Variants in AATF observed in about 807,000 individuals in gnomAD.
AATF encodes the protein apoptosis antagonizing transcription factor.
A neutral mutation model predicts 63.7 loss-of-function variants in AATF; 48 were observed. The ratio of observed to expected loss-of-function variants is 0.75; its 90% CI spans 0.60 to 0.96. The LOEUF (loss-of-function observed/expected upper bound fraction) is 0.96, where lower values mean the gene tolerates loss of function less well. Ranked by LOEUF, AATF falls within the 40% of genes least tolerant of loss-of-function variation. The pLI, the probability that AATF is intolerant of heterozygous loss-of-function variation, is 0.00. For missense variants in AATF, 639 were observed against 685.7 expected, an observed-to-expected ratio of 0.93 and a Z score of 0.76; for synonymous variants, 258 against 247.7, an observed-to-expected ratio of 1.04 and a Z score of -0.39.
Position 36,988,641 on chromosome 17 carries a change from C to G in AATF, c.1070C>G (p.Ala357Gly). Reference protein sequence around the residue: ...DYPSFMAKRFADFTVYRNRTL... With the variant: ...DYPSFMAKRFGDFTVYRNRTL... Reference sequence around the variant, plus strand: ...CCCAGCTTCATGGCAAAGCGCTTTGCCGACTTTACAGTCTACAGGAACCGC... The same window carrying G: ...CCCAGCTTCATGGCAAAGCGCTTTGGCGACTTTACAGTCTACAGGAACCGC... Residue 357 changes from alanine to glycine, a missense_variant, in exon 6 of 12, where the codon GCC becomes GGC. Coordinates refer to ENST00000619387, the MANE Select transcript of AATF (RefSeq NM_012138.4). The G allele has an allele frequency of 6.2e-7, 1 of 1,614,114 alleles. No individual in the cohort carries two copies. The highest frequency in any genetic ancestry group is 1.1e-5 in the South Asian group (1 of 91,072).
intron 11 of AATF, among the ~76,000 whole-genome samples, chr17:37,046,165 G>A (rs1427690947): frequency 6.6e-6 from 1 of 152,096 alleles, no homozygotes; most frequent in Non-Finnish European, 1.5e-5. Context: ...GAATAAAAAA[G>A]AATTTGCTGC....
chr17:37,042,099 C>T (rs1251520159), intron 11 of AATF, among the ~76,000 whole-genome samples: 2 of 151,988 alleles, frequency 1.3e-5, no homozygotes, highest in African/African-American at 4.8e-5. Flanking sequence ...GGTTATATAA[C>T]ATTTCCTGGT....
chr17:37,016,959 G>A (rs943667417), intron 8 of AATF, among the ~76,000 whole-genome samples: 4 of 152,200 alleles, frequency 2.6e-5, no homozygotes, highest in African/African-American at 9.7e-5. Context: ...AGTAAAAATA[G>A]TTATGCAAAG....
intron 11 of AATF, 44 bp from the exon 12 acceptor site, chr17:37,056,557 T>C (rs759795644): frequency 6.2e-7 from 1 of 1,600,544 alleles, no homozygotes; most frequent in South Asian, 1.1e-5. Flanking sequence ...TAACCTTGAA[T>C]AGTGAACCAG....
chr17:36,968,402 G>A (rs1300430063), intron 4 of AATF, among the ~76,000 whole-genome samples: 1 of 143,544 alleles, frequency 7.0e-6, no homozygotes, highest in African/African-American at 2.5e-5. Flanking sequence ...AGCCCCACAA[G>A]TAGCTGGGAC....
chr17:37,000,310 A>G (rs2071284329), intron 8 of AATF, among the ~76,000 whole-genome samples: 1 of 152,162 alleles, frequency 6.6e-6, no homozygotes, highest in Non-Finnish European at 1.5e-5. Context: ...GTCAAGAATG[A>G]CCATTAAGAT....
intron 4 of AATF, among the ~76,000 whole-genome samples, chr17:36,964,587 G>C (rs1352447111): frequency 6.6e-6 from 1 of 152,176 alleles, no homozygotes; most frequent in African/African-American, 2.4e-5. Flanking sequence ...GGACAGGGAA[G>C]AATTGGAAAA....
chr17:37,054,684 T>A (rs1275104929), intron 11 of AATF: 1 of 152,222 alleles, frequency 6.6e-6, no homozygotes, highest in Admixed American at 6.5e-5. Flanking sequence ...GCACTGATAT[T>A]GCGCGCAGAG....
At chr17:37,001,405 G>GAGGGAGGAAGGAAGGAAGGAAGGAAGGA (rs1441424791) in intron 8 of AATF, among the ~76,000 whole-genome samples, 1 of 63,832 alleles carries the variant, frequency 1.6e-5, no homozygotes, top group Non-Finnish European at 2.9e-5. Flanking sequence ...AGGAGGGAGG[G>GAGGGAGGAAGGAAGGAAGGAAGGAAGGA]AGGAAGGAAG....
Position 37,015,968 on chromosome 17 carries a change from C to T in AATF, c.1399-3037C>T, listed in dbSNP as rs536850886. Among the ~76,000 whole-genome samples the T allele has an allele frequency of 1.6e-4, 25 of 152,294 alleles. No homozygotes were observed. The South Asian group carries it at 4.8e-3, about 29-fold the overall frequency. On this transcript the variant is annotated intron_variant, in intron 8 of 11. Transcript: ENST00000619387. ...GGTGGGTGGTAGAGGTGGTTAGTCA[C>T]TTGGCTGTGTGGGATAATGGAGGAG...
intron 4 of AATF, among the ~76,000 whole-genome samples, chr17:36,961,457 G>A (rs775065395): frequency 2.0e-4 from 31 of 152,068 alleles, no homozygotes; most frequent in Non-Finnish European, 3.7e-4. Flanking sequence ...TTCAATATGT[G>A]ATCAATATAA....
intron 11 of AATF, among the ~76,000 whole-genome samples, chr17:37,041,703 C>T (rs1304034921): frequency 6.6e-6 from 1 of 152,132 alleles, no homozygotes; most frequent in East Asian, 1.9e-4. Context: ...CGGGGTATTG[C>T]CATGTTGGCC....
intron 4 of AATF, among the ~76,000 whole-genome samples, chr17:36,967,761 T>C (rs574830827): frequency 2.0e-5 from 3 of 152,280 alleles, no homozygotes; most frequent in African/African-American, 7.2e-5. Flanking sequence ...ATCATCACAA[T>C]TGATGGTTTG....
intron 4 of AATF, among the ~76,000 whole-genome samples, chr17:36,970,734 G>T (rs1357400047): frequency 1.3e-5 from 2 of 151,516 alleles, no homozygotes; most frequent in African/African-American, 2.4e-5. Flanking sequence ...TAGAGATGAG[G>T]TCTTGTTACG....
At chr17:37,028,528 G>C (rs1271151547) in intron 10 of AATF, among the ~76,000 whole-genome samples, 1 of 152,214 alleles carries the variant, frequency 6.6e-6, no homozygotes, top group Admixed American at 6.5e-5. Flanking sequence ...GCTCACGCCT[G>C]TAATCCGAGC....
intron 4 of AATF, among the ~76,000 whole-genome samples, chr17:36,965,408 G>A (rs940992280): frequency 2.0e-5 from 3 of 152,014 alleles, no homozygotes; most frequent in African/African-American, 7.3e-5. Flanking sequence ...CTCTTATAAG[G>A]ACCCTTGAGA....
At chr17:36,985,356 C>G (rs141860462) in intron 4 of AATF, among the ~76,000 whole-genome samples, 5,933 of 151,976 alleles carry the variant, frequency 0.039, 146 homozygotes, top group African/African-American at 0.07. Flanking sequence ...GCAGCCTCAG[C>G]CTCCTGGGCT....
intron 7 of AATF, 79 bp downstream of exon 7, chr17:36,989,490 C>T: frequency 1.2e-5 from 17 of 1,398,818 alleles, no homozygotes; most frequent in Non-Finnish European, 1.6e-5. Flanking sequence ...GTAGCTATTA[C>T]CTGTTTATAT....
intron 1 of AATF, among the ~76,000 whole-genome samples, chr17:36,949,716 T>C (rs1212405257): frequency 6.6e-6 from 1 of 152,240 alleles, no homozygotes; most frequent in Non-Finnish European, 1.5e-5. Flanking sequence ...ACTCCTGTTC[T>C]GTAAGCTGAT....
Sources: allele counts gnomAD v4.1 joint callset (sites outside exome capture counted in the v4.1 genomes callset), GRCh38; gene constraint gnomAD v4.1.1; transcripts MANE v1.5; gene names NCBI Gene and HGNC (gene_info 2026-07-23, HGNC 2026-07-21).